NADK: variants seen among roughly 807,000 people sequenced by gnomAD.
NADK encodes NAD kinase.
Under a neutral mutation model 49.8 loss-of-function variants are expected in NADK, and 22 were observed. The ratio of observed to expected loss-of-function variants is 0.44; its 90% confidence interval spans 0.32 to 0.63. NADK has a LOEUF of 0.63. Among genes scored for constraint, NADK ranks in the 30% least tolerant of loss-of-function variants. The pLI is 0.06. For synonymous variants in NADK, 268 were observed against 253.7 expected (o/e 1.06, Z -0.54); for missense variants, 438 against 609.4 (o/e 0.72, Z 2.96).
chr1:1,754,658 C>T lies in NADK; in HGVS notation c.729G>A (p.Arg243=). 1 of 1,614,012 alleles carries T rather than the reference C, an allele frequency of 6.2e-7. No individual in the cohort carries two copies. The highest frequency in any genetic ancestry group is 8.5e-7 in the Non-Finnish European group (1 of 1,179,976). ...TCTTCCCCCGGAGCTCCTTCACCAC[C>T]CTGACCTTCAGCCGACTCCGGAGAA... The part of the protein sequence containing the change: ...AVVLRSRLKV[R]VVKELRGKKT... Residue 243 remains arginine, a synonymous_variant, in exon 8 of 12, where the codon AGG becomes AGA. Transcript: ENST00000341426. The surrounding 1 kb of genome is among the most constrained non-coding windows in gnomAD (Gnocchi z 4.3).
chr1:1,775,226 CAATA>C (rs1646178180), intron 1 of NADK, among the ~76,000 whole-genome samples: 3 of 152,030 alleles, frequency 2.0e-5, no homozygotes, highest in Admixed American at 6.6e-5. Flanking sequence ...ATTAAGATGC[CAATA>C]AATAAATGTG....
intron 3 of NADK, chr1:1,758,984 C>T (rs1645625332): frequency 7.6e-7 from 1 of 1,324,116 alleles, no homozygotes; most frequent in Admixed American, 3.1e-5. Flanking sequence ...CGTCACTCTG[C>T]TTGGCTCCGG....
intron 1 of NADK, among the ~76,000 whole-genome samples, chr1:1,772,602 ATAAT>A (rs1007500164): frequency 2.6e-5 from 4 of 150,996 alleles, no homozygotes; most frequent in African/African-American, 7.3e-5. Flanking sequence ...TAGTGGTTAT[ATAAT>A]TAATTTAAGA....
intron 3 of NADK, among the ~76,000 whole-genome samples, chr1:1,759,411 G>A (rs1004728431): frequency 6.6e-6 from 1 of 152,216 alleles, no homozygotes; most frequent in South Asian, 2.1e-4. Context: ...CGCCTGGCCA[G>A]CTCCTACTGA....
intron 11 of NADK, 128 bp downstream of exon 11, chr1:1,753,439 C>A: frequency 1.4e-6 from 1 of 731,758 alleles, no homozygotes; most frequent in South Asian, 1.9e-5. Flanking sequence ...CTGCAAGACC[C>A]AGGGACTCAG....
chr1:1,753,912 G>T, intron 10 of NADK, 139 bp downstream of exon 10: 1 of 1,130,086 alleles, frequency 8.8e-7, no homozygotes, highest in Non-Finnish European at 1.2e-6. Context: ...CATCTGAGGG[G>T]GCACAGGATG....
chr1:1,774,597 GGCCACTGC>G (rs1646154895), intron 1 of NADK, among the ~76,000 whole-genome samples: 1 of 150,424 alleles, frequency 6.6e-6, no homozygotes, highest in Admixed American at 6.6e-5. Flanking sequence ...TTACGGGCGT[GGCCACTGC>G]GCGCGGCCAC....
intron 3 of NADK, chr1:1,761,671 C>T (rs933990149): frequency 4.1e-5 from 14 of 345,478 alleles, no homozygotes; most frequent in East Asian, 3.4e-4. Context: ...GCTCGCCTGC[C>T]GTCCACTTTC....
intron 3 of NADK, chr1:1,759,941 C>A: frequency 6.5e-7 from 1 of 1,546,746 alleles, no homozygotes; most frequent in Non-Finnish European, 8.7e-7. Context: ...CACCAGGCAG[C>A]GGGGGAGAGG....
chr1:1,771,077 C>T (rs556229600), intron 1 of NADK, among the ~76,000 whole-genome samples: 70 of 141,238 alleles, frequency 5.0e-4, no homozygotes, highest in Admixed American at 1.4e-3. Flanking sequence ...TATATATATA[C>T]ACACACACAC....
At chr1:1,758,259 C>G in intron 3 of NADK, 1 of 1,322,054 alleles carries the variant, frequency 7.6e-7, no homozygotes, top group South Asian at 1.6e-5. Context: ...GGAGTGTGAC[C>G]GTCCCACTAA....
rs553800261 is a variant in NADK, at chr1:1,764,066, C to T, written c.179+1162G>A. ...CCTGCGGGATGAAGGCAGCCACCAG[C>T]GCTCGTAGCCTCCTGGCTCAGGCAG... On this transcript the variant is annotated intron_variant, in intron 2 of 11. Coordinates refer to ENST00000341426, the MANE Select transcript of NADK (RefSeq NM_023018.5). Among the ~76,000 whole-genome samples the T allele has an allele frequency of 2.6e-5, 4 of 152,286 alleles. No homozygotes were observed. In the South Asian group the frequency reaches 6.2e-4, roughly 24 times the overall value.
At chr1:1,778,476 G>A (rs1025132972), upstream of NADK, 1 of 148,166 alleles carries the variant, frequency 6.7e-6, no homozygotes, top group African/African-American at 2.4e-5. The surrounding 1 kb of genome is among the most constrained non-coding windows in gnomAD (Gnocchi z 4.9). Flanking sequence ...CCACTGCGCA[G>A]GCGCACCCGC....
At chr1:1,758,407 T>C (rs776716800) in intron 3 of NADK, 1 of 1,611,694 alleles carries the variant, frequency 6.2e-7, no homozygotes, top group Non-Finnish European at 8.5e-7. Flanking sequence ...ACTCATGCCA[T>C]CCCCTATGAG....
chr1:1,766,736 C>A (rs2100348515), intron 1 of NADK, among the ~76,000 whole-genome samples: 1 of 150,320 alleles, frequency 6.7e-6, no homozygotes, highest in South Asian at 2.1e-4. Flanking sequence ...TTCCAAGTAG[C>A]TGGGACTACA....
chr1:1,764,047 G>T (rs534046162), intron 2 of NADK, among the ~76,000 whole-genome samples: 3 of 152,312 alleles, frequency 2.0e-5, no homozygotes, highest in Non-Finnish European at 4.4e-5. Context: ...GGTGCCTGCG[G>T]GATGAAGGCA....
At chr1:1,775,294 T>C (rs1646180184) in intron 1 of NADK, among the ~76,000 whole-genome samples, 1 of 148,070 alleles carries the variant, frequency 6.8e-6, no homozygotes, top group Non-Finnish European at 1.5e-5. Flanking sequence ...AATACACGAG[T>C]TCGTTCCCAT....
At chr1:1,768,032 G>A (rs778340918) in intron 1 of NADK, among the ~76,000 whole-genome samples, 1 of 152,034 alleles carries the variant, frequency 6.6e-6, no homozygotes, top group Admixed American at 6.6e-5. Flanking sequence ...TTAGCCGGGC[G>A]TGGTGGCGGG....
rs1645398732 is a variant in NADK, at chr1:1,753,498, G to C, written c.1184+69C>G. 2.2e-6 allele frequency: 3 copies of C among 1,359,722 alleles called. No homozygotes were observed. In the African/African-American group the frequency reaches 4.3e-5, roughly 19 times the overall value. 84.2% of individuals were successfully genotyped at this position (1,359,722 alleles called of 1,614,324 possible). On this transcript the variant is annotated intron_variant, in intron 11 of 11. Coordinates refer to ENST00000341426, the MANE Select transcript of NADK (RefSeq NM_023018.5). ...AGCTGTGTCTACAGGCCAACCGCAA[G>C]AGGGCAGGCGCTGCCTGGCCCGGGG...
Sources: allele counts gnomAD v4.1 joint callset (sites outside exome capture counted in the v4.1 genomes callset), GRCh38; gene constraint gnomAD v4.1.1; non-coding constraint Gnocchi (gnomAD v3.1); transcripts MANE v1.5; gene names NCBI Gene and HGNC (gene_info 2026-07-23, HGNC 2026-07-21).